The following DLG2 variants were observed in gnomAD, a reference collection of about 807,000 sequenced individuals.
DLG2 encodes the protein disks large homolog 2.
Under a neutral mutation model 132.5 loss-of-function variants are expected in DLG2, and 45 were observed. The observed-to-expected ratio is 0.34, with a 90% CI of 0.27 to 0.44. The LOEUF is 0.44. Among genes scored for constraint, DLG2 ranks in the 20% least tolerant of loss-of-function variants. DLG2 has a pLI of 1.00. For synonymous variants in DLG2, 424 were observed against 419.6 expected (o/e 1.01, Z -0.13); for missense variants, 1,045 against 1,196.9 (o/e 0.87, Z 1.87).
At chr11:85,574,632 C>T (rs183289514) in intron 3 of DLG2, among the ~76,000 whole-genome samples, 17 of 152,176 alleles carry the variant, frequency 1.1e-4, no homozygotes, top group African/African-American at 1.7e-4. Context: ...TGGTTTGGTG[C>T]CCTTCCTGTG....
intron 8 of DLG2, among the ~76,000 whole-genome samples, chr11:84,190,914 T>C (rs1240050996): frequency 1.3e-5 from 2 of 152,200 alleles, no homozygotes; most frequent in African/African-American, 4.8e-5. Context: ...AGAGAAAAAA[T>C]GAATGCTGGT....
intron 6 of DLG2, among the ~76,000 whole-genome samples, chr11:84,584,333 G>A (rs1439504753): frequency 6.6e-6 from 1 of 151,960 alleles, no homozygotes; most frequent in Non-Finnish European, 1.5e-5. Flanking sequence ...ATGTTTTGAT[G>A]ATGTCTATTG....
At chr11:83,825,128 T>TACACACAC (rs1291937371) in intron 17 of DLG2, among the ~76,000 whole-genome samples, 5 of 90,962 alleles carry the variant, frequency 5.5e-5, no homozygotes, top group African/African-American at 1.7e-4. Flanking sequence ...TACACATATA[T>TACACACAC]ATATACACAC....
chr11:85,290,727 T>C (rs896248225), intron 3 of DLG2, among the ~76,000 whole-genome samples: 1 of 151,982 alleles, frequency 6.6e-6, no homozygotes, highest in Non-Finnish European at 1.5e-5. Context: ...TTAGGATCCA[T>C]TAAAACAAAA....
intron 5 of DLG2, among the ~76,000 whole-genome samples, chr11:85,148,644 T>A (rs1286771127): frequency 6.6e-6 from 1 of 152,258 alleles, no homozygotes; most frequent in Admixed American, 6.5e-5. Context: ...AGATTCTGGA[T>A]ATTAGACCTT....
chr11:84,380,792 A>C (rs769182696), intron 7 of DLG2, among the ~76,000 whole-genome samples: 6 of 151,888 alleles, frequency 4.0e-5, no homozygotes, highest in Admixed American at 1.3e-4. Context: ...TTTTCATAAC[A>C]AATAAAATTT....
At chr11:84,247,300 T>G (rs2097314787) in intron 8 of DLG2, among the ~76,000 whole-genome samples, 1 of 152,156 alleles carries the variant, frequency 6.6e-6, no homozygotes, top group Non-Finnish European at 1.5e-5. Context: ...AAAGCATTAT[T>G]ATTTGGCTGA....
intron 8 of DLG2, among the ~76,000 whole-genome samples, chr11:84,168,826 T>TACACAAACACACACACAC (rs1555393275): frequency 2.0e-5 from 3 of 148,100 alleles, no homozygotes; most frequent in African/African-American, 7.5e-5. Context: ...CACACACACA[T>TACACAAACACACACACAC]ACACACACAC....
At chr11:85,180,460 C>T (rs560240988) in intron 4 of DLG2, among the ~76,000 whole-genome samples, 41 of 151,622 alleles carry the variant, frequency 2.7e-4, no homozygotes, top group Non-Finnish European at 4.9e-4. Flanking sequence ...ACAGAACCAA[C>T]GATGTTGTGT....
chr11:85,466,339 CT>C (rs1293739191), intron 3 of DLG2, among the ~76,000 whole-genome samples: 1 of 152,160 alleles, frequency 6.6e-6, no homozygotes, highest in Non-Finnish European at 1.5e-5. Context: ...TCAATTTTGG[CT>C]TTTGTTGCCA....
At chr11:84,301,558 C>T (rs2098153449) in intron 7 of DLG2, among the ~76,000 whole-genome samples, 1 of 146,650 alleles carries the variant, frequency 6.8e-6, no homozygotes, top group African/African-American at 2.5e-5. Flanking sequence ...ACTCGGGAGG[C>T]TGAGGCAGGA....
chr11:84,588,589 C>T (rs934001494), intron 6 of DLG2, among the ~76,000 whole-genome samples: 2 of 152,076 alleles, frequency 1.3e-5, no homozygotes, highest in African/African-American at 4.8e-5. Context: ...ATTTTGAATA[C>T]AGGCTGGCTA....
chr11:84,099,669 G>C (rs2092241765), intron 9 of DLG2, among the ~76,000 whole-genome samples: 1 of 151,064 alleles, frequency 6.6e-6, no homozygotes, highest in Non-Finnish European at 1.5e-5. Context: ...GGAAATCTGA[G>C]TAGCTTCTAT....
intron 7 of DLG2, among the ~76,000 whole-genome samples, chr11:84,298,771 C>CAGAG (rs1340712902): frequency 6.6e-6 from 1 of 151,374 alleles, no homozygotes; most frequent in South Asian, 2.1e-4. Flanking sequence ...AGAGTCATTA[C>CAGAG]AGAGAGAGAG....
chr11:83,714,762 T>C (rs538147019), intron 18 of DLG2, among the ~76,000 whole-genome samples: 2 of 152,230 alleles, frequency 1.3e-5, no homozygotes, highest in Non-Finnish European at 2.9e-5. Flanking sequence ...CTAGGGTACA[T>C]GTGCACAGCA....
At chr11:83,971,563 G>A (rs561562554) in intron 12 of DLG2, among the ~76,000 whole-genome samples, 3 of 152,136 alleles carry the variant, frequency 2.0e-5, no homozygotes, top group Non-Finnish European at 4.4e-5. Context: ...GCAAGATACT[G>A]ACCTTTCCAT....
chr11:85,361,310 A>AT (rs11432662), intron 3 of DLG2, among the ~76,000 whole-genome samples: 130,020 of 149,058 alleles, frequency 0.87, 56,911 homozygotes, highest in Non-Finnish European at 0.91. Context: ...AGACTTTTCT[A>AT]TTTTTTTTTT....
intron 3 of DLG2, among the ~76,000 whole-genome samples, chr11:85,417,805 T>A (rs912404412): frequency 6.6e-6 from 1 of 152,196 alleles, no homozygotes; most frequent in Non-Finnish European, 1.5e-5. Context: ...ACTTATTTTT[T>A]ATTGTGTCTA....
chr11:83,722,185 C>T (rs929439607), intron 18 of DLG2, among the ~76,000 whole-genome samples: 1 of 151,820 alleles, frequency 6.6e-6, no homozygotes, highest in Non-Finnish European at 1.5e-5. Flanking sequence ...AACGTTTTGA[C>T]AAAAAACTGG....
Sources: allele counts gnomAD v4.1 joint callset (sites outside exome capture counted in the v4.1 genomes callset), GRCh38; gene constraint gnomAD v4.1.1; transcripts MANE v1.5; gene names NCBI Gene and HGNC (gene_info 2026-07-23, HGNC 2026-07-21).